The following OCA2 variants were observed in gnomAD, a reference collection of about 807,000 sequenced individuals.
The protein encoded by OCA2 is OCA2 melanosomal transmembrane protein.
A neutral mutation model predicts 100.2 loss-of-function variants in OCA2; 77 were observed. The ratio of observed to expected loss-of-function variants is 0.77; its 90% confidence interval spans 0.64 to 0.93. The LOEUF (loss-of-function observed/expected upper bound fraction) is 0.93. Ranked by LOEUF, OCA2 falls within the 40% of genes least tolerant of loss-of-function variation. OCA2 has a pLI of 0.00. For missense variants in OCA2, 1,062 were observed against 1,089.1 expected, an observed-to-expected ratio of 0.98 and a Z score of 0.35; for synonymous variants, 432 against 439.2, an observed-to-expected ratio of 0.98 and a Z score of 0.21.
At chr15:27,921,588 C>T (rs559944090) in intron 19 of OCA2, among the ~76,000 whole-genome samples, 1 of 152,274 alleles carries the variant, frequency 6.6e-6, no homozygotes, top group South Asian at 2.1e-4. Flanking sequence ...CACCAGCCCC[C>T]TACAAAGTCG....
intron 19 of OCA2, among the ~76,000 whole-genome samples, chr15:27,901,243 A>G (rs1403153404): frequency 6.6e-6 from 1 of 152,226 alleles, no homozygotes; most frequent in African/African-American, 2.4e-5. Flanking sequence ...GCACAAGTGG[A>G]GGACTGTCTG....
At chr15:27,782,774 C>T (rs942518549) in intron 23 of OCA2, among the ~76,000 whole-genome samples, 9 of 152,166 alleles carry the variant, frequency 5.9e-5, no homozygotes, top group African/African-American at 2.2e-4. Context: ...CTTTGAAGGC[C>T]TTTAATTTTT....
chr15:27,986,106 T>G (rs947577932), intron 12 of OCA2, among the ~76,000 whole-genome samples: 2 of 152,246 alleles, frequency 1.3e-5, no homozygotes, highest in African/African-American at 4.8e-5. Flanking sequence ...TTGCCAACCC[T>G]GAATGACAGG....
At chr15:27,983,110 C>G (rs371689626) in intron 14 of OCA2, among the ~76,000 whole-genome samples, 18 of 152,136 alleles carry the variant, frequency 1.2e-4, no homozygotes, top group Non-Finnish European at 2.6e-4. Flanking sequence ...ATCATGCTAT[C>G]CAGTCATTTC....
chr15:27,859,560 C>G lies in OCA2; in HGVS notation c.2245-8085G>C, dbSNP rs2036057932. On this transcript the variant is annotated intron_variant, in intron 21 of 23. Transcript: ENST00000354638. Reference sequence around the variant, plus strand: ...TTCCCAACAAAGAAAAGTCTAGGACCACATGGCTTCACTGGTGCATTCTAC... The same window carrying G: ...TTCCCAACAAAGAAAAGTCTAGGACGACATGGCTTCACTGGTGCATTCTAC... 1.3e-5 allele frequency among the ~76,000 whole-genome samples: 2 copies of G among 152,108 alleles called. 1 individual carries two copies. Among genetic ancestry groups the G allele is most frequent in the Non-Finnish European group, 2.9e-5 (2 of 68,014 alleles).
intron 19 of OCA2, among the ~76,000 whole-genome samples, chr15:27,918,716 G>C (rs1163971136): frequency 2.0e-5 from 3 of 152,122 alleles, no homozygotes; most frequent in Admixed American, 6.5e-5. Context: ...TTATCAATAT[G>C]AATAAAACCA....
chr15:27,758,220 G>A (rs1390979583), intron 23 of OCA2, among the ~76,000 whole-genome samples: 1 of 152,108 alleles, frequency 6.6e-6, no homozygotes, highest in Non-Finnish European at 1.5e-5. Context: ...ATACGTCAGT[G>A]GGTACTAGAA....
At chr15:27,797,414 C>G (rs117833722) in intron 23 of OCA2, among the ~76,000 whole-genome samples, 1,881 of 152,230 alleles carry the variant, frequency 0.012, 23 homozygotes, top group Non-Finnish European at 0.021. Flanking sequence ...CTGTGCTAGA[C>G]CTTGACCTTA....
chr15:27,827,165 T>C (rs2034760845), intron 23 of OCA2, among the ~76,000 whole-genome samples: 2 of 152,194 alleles, frequency 1.3e-5, no homozygotes, highest in African/African-American at 2.4e-5. Flanking sequence ...ATATGAAACA[T>C]ATAACAAGAC....
chr15:28,067,366 GTTC>G (rs137982284), intron 2 of OCA2, among the ~76,000 whole-genome samples: 7,624 of 151,966 alleles, frequency 0.05, 599 homozygotes, highest in African/African-American at 0.17. Context: ...ATTTTATTAA[GTTC>G]TTCTCTAATT....
intron 23 of OCA2, among the ~76,000 whole-genome samples, chr15:27,792,339 C>G (rs887082414): frequency 6.6e-6 from 1 of 152,152 alleles, no homozygotes; most frequent in Non-Finnish European, 1.5e-5. Flanking sequence ...TGTGACATTT[C>G]TACAGAACCA....
At chr15:28,006,658 G>A (rs1665333903) in intron 9 of OCA2, among the ~76,000 whole-genome samples, 1 of 152,148 alleles carries the variant, frequency 6.6e-6, no homozygotes, top group Non-Finnish European at 1.5e-5. Flanking sequence ...GAAAAGGAGA[G>A]GTATCTCTGG....
chr15:28,096,846 C>T (rs2044994089), intron 1 of OCA2, among the ~76,000 whole-genome samples: 2 of 151,840 alleles, frequency 1.3e-5, no homozygotes, highest in African/African-American at 4.8e-5. Context: ...CAGGGCCCCC[C>T]GGGACTGGCG....
Position 27,983,419 on chromosome 15 carries a change from T to C in OCA2, c.1429A>G (p.Ile477Val), listed in dbSNP as rs1050639691. 4 of 1,614,200 alleles carry C rather than the reference T, an allele frequency of 2.5e-6. No individual in the cohort carries two copies. The highest frequency in any genetic ancestry group is 1.3e-5 in the African/African-American group (1 of 75,054). Residue 477 changes from isoleucine (I) to valine (V), a missense_variant, in exon 14 of 24, where the codon ATT becomes GTT. Ile to Val is a conservative substitution (Grantham distance 29). Coordinates refer to ENST00000354638, the MANE Select transcript of OCA2 (RefSeq NM_000275.3). The part of the protein sequence containing the change: ...VLIAEVIFTN[I>V]GGAATAIGDP... ...CCGATGGCAGTGGCAGCTCCTCCAATGTTTGTGAAGATCACTTCTGCAATC... is the reference window on the plus strand; with the variant it reads ...CCGATGGCAGTGGCAGCTCCTCCAACGTTTGTGAAGATCACTTCTGCAATC...
At chr15:27,946,645 TA>T (rs1461227197) in intron 18 of OCA2, among the ~76,000 whole-genome samples, 3 of 152,204 alleles carry the variant, frequency 2.0e-5, no homozygotes, top group Non-Finnish European at 4.4e-5. Flanking sequence ...CAAACTCCTT[TA>T]CATTTAATTC....
chr15:28,037,384 C>G (rs150586667), intron 2 of OCA2, among the ~76,000 whole-genome samples: 4 of 152,076 alleles, frequency 2.6e-5, no homozygotes, highest in African/African-American at 9.7e-5. Context: ...AGCAATGAGG[C>G]CTTCTCTGTA....
At chr15:28,037,464 G>A (rs545779156) in intron 2 of OCA2, among the ~76,000 whole-genome samples, 7 of 152,246 alleles carry the variant, frequency 4.6e-5, no homozygotes, top group Admixed American at 2.0e-4. Flanking sequence ...GAGACAGGCC[G>A]CAGACAGCAG....
At chr15:27,932,849 A>G (rs2039304681) in intron 18 of OCA2, among the ~76,000 whole-genome samples, 1 of 152,322 alleles carries the variant, frequency 6.6e-6, no homozygotes, top group East Asian at 1.9e-4. Context: ...AAACAAGACT[A>G]CTACAGCCTT....
the OCA2 span, among the ~76,000 whole-genome samples, chr15:27,737,951 C>G: frequency 6.6e-6 from 1 of 152,122 alleles, no homozygotes; most frequent in Non-Finnish European, 1.5e-5. Flanking sequence ...AAATGCACAT[C>G]GAAACTGTCT....
Sources: gnomAD v4.1 joint callset for allele counts (sites outside exome capture counted in the v4.1 genomes callset) on GRCh38, gnomAD v4.1.1 for gene constraint, MANE v1.5 for transcripts, NCBI Gene and HGNC (gene_info 2026-07-23, HGNC 2026-07-21) for gene names.